Variants in ROBO1 observed in about 807,000 individuals in gnomAD.
ROBO1 encodes the protein roundabout homolog 1.
ROBO1 carries 149 observed loss-of-function variants against 195.9 expected under a neutral mutation model. The ratio of observed to expected loss-of-function variants is 0.76; its 90% CI spans 0.67 to 0.87. The LOEUF (loss-of-function observed/expected upper bound fraction) is 0.87. Ranked by LOEUF, ROBO1 falls within the 40% of genes least tolerant of loss-of-function variation. The probability of loss-of-function intolerance (pLI) is 0.00; values close to 1 mark genes in which losing one functional copy is unlikely to be tolerated. For synonymous variants in ROBO1, 816 were observed against 733.2 expected (o/e 1.11, Z -1.82); for missense variants, 1,933 against 2,068.3 (o/e 0.93, Z 1.27).
At chr3:79,224,530 C>T (rs1197382594) in intron 2 of ROBO1, among the ~76,000 whole-genome samples, 1 of 152,134 alleles carries the variant, frequency 6.6e-6, no homozygotes, top group Non-Finnish European at 1.5e-5. Context: ...TCTTGTAATA[C>T]AAAAGTGACT....
intron 2 of ROBO1, among the ~76,000 whole-genome samples, chr3:79,508,535 A>G (rs1940533498): frequency 6.6e-6 from 1 of 152,218 alleles, no homozygotes; most frequent in African/African-American, 2.4e-5. Flanking sequence ...GCTCAATAGA[A>G]TGCAAGCAAT....
intron 7 of ROBO1, among the ~76,000 whole-genome samples, chr3:78,716,420 T>TA (rs1409293558): frequency 6.6e-6 from 1 of 151,882 alleles, no homozygotes; most frequent in Non-Finnish European, 1.5e-5. Flanking sequence ...CAGACGCTTA[T>TA]AAAACCATCA....
intron 1 of ROBO1, among the ~76,000 whole-genome samples, chr3:79,707,119 C>T (rs1246897297): frequency 1.3e-5 from 2 of 152,136 alleles, no homozygotes; most frequent in Non-Finnish European, 1.5e-5. Flanking sequence ...GGTAATTCAT[C>T]TAGGCATGGT....
At chr3:78,713,789 G>A (rs1277255115) in intron 8 of ROBO1, among the ~76,000 whole-genome samples, 1 of 152,184 alleles carries the variant, frequency 6.6e-6, no homozygotes, top group African/African-American at 2.4e-5. Context: ...CTCATACGAT[G>A]CTAAATAATA....
chr3:78,847,922 A>C (rs2033776002), intron 4 of ROBO1, among the ~76,000 whole-genome samples: 1 of 152,216 alleles, frequency 6.6e-6, no homozygotes, highest in Non-Finnish European at 1.5e-5. Flanking sequence ...GTGTAGCAAC[A>C]GTGCATTTAG....
At chr3:78,895,275 T>C (rs1466723988) in intron 4 of ROBO1, among the ~76,000 whole-genome samples, 1 of 151,524 alleles carries the variant, frequency 6.6e-6, no homozygotes, top group Non-Finnish European at 1.5e-5. Flanking sequence ...AAAGAATAAA[T>C]GCAGAAGCTT....
At chr3:79,133,738 C>G (rs2080338223) in intron 2 of ROBO1, among the ~76,000 whole-genome samples, 1 of 120,526 alleles carries the variant, frequency 8.3e-6, no homozygotes. Context: ...GAACTGCGTT[C>G]CTTTGGAGGA....
At chr3:78,857,701 G>A (rs952748446) in intron 4 of ROBO1, among the ~76,000 whole-genome samples, 9 of 152,120 alleles carry the variant, frequency 5.9e-5, no homozygotes, top group Non-Finnish European at 1.2e-4. Flanking sequence ...TCCAGGTGAC[G>A]CTGGTGCACA....
chr3:79,611,277 A>G (rs950775770), intron 1 of ROBO1, among the ~76,000 whole-genome samples: 2 of 152,102 alleles, frequency 1.3e-5, no homozygotes, highest in Non-Finnish European at 2.9e-5. Flanking sequence ...TACAAATAGC[A>G]TACAAATCTA....
At chr3:79,096,860 A>G (rs914337195) in intron 3 of ROBO1, among the ~76,000 whole-genome samples, 2 of 151,438 alleles carry the variant, frequency 1.3e-5, no homozygotes, top group African/African-American at 2.4e-5. Flanking sequence ...TAAAAAAACC[A>G]CTCAATAAAA....
chr3:78,738,258 C>T (rs2082439601), intron 5 of ROBO1, among the ~76,000 whole-genome samples: 1 of 151,978 alleles, frequency 6.6e-6, no homozygotes, highest in South Asian at 2.1e-4. Flanking sequence ...AAATATCACA[C>T]CAACAATGGA....
At chr3:79,365,549 A>G (rs913635279) in intron 2 of ROBO1, among the ~76,000 whole-genome samples, 24 of 152,168 alleles carry the variant, frequency 1.6e-4, no homozygotes, top group Admixed American at 1.4e-3. Flanking sequence ...CCCTCCATTG[A>G]GTCTATCAAC....
intron 2 of ROBO1, among the ~76,000 whole-genome samples, chr3:79,150,379 T>C (rs2080743297): frequency 6.6e-6 from 1 of 151,808 alleles, no homozygotes; most frequent in Non-Finnish European, 1.5e-5. Context: ...TGTGAAGTAA[T>C]ATTTTTTCTA....
chr3:79,028,002 T>C (rs538306401), intron 3 of ROBO1, among the ~76,000 whole-genome samples: 34 of 152,162 alleles, frequency 2.2e-4, no homozygotes, highest in Middle Eastern at 3.4e-3. Context: ...ACCTACAATG[T>C]TTTAATTACA....
At chr3:79,401,271 T>C (rs2037356153) in intron 2 of ROBO1, among the ~76,000 whole-genome samples, 5 of 151,868 alleles carry the variant, frequency 3.3e-5, no homozygotes, top group Admixed American at 2.6e-4. Flanking sequence ...ATTTATTTAT[T>C]AAGGATCTAA....
intron 3 of ROBO1, among the ~76,000 whole-genome samples, chr3:79,051,982 A>T (rs560896184): frequency 3.7e-4 from 56 of 152,230 alleles, no homozygotes; most frequent in African/African-American, 1.3e-3. Flanking sequence ...ATTGTTTGTA[A>T]AACATATGTG....
At chr3:79,101,324 A>C (rs2108510842) in intron 3 of ROBO1, among the ~76,000 whole-genome samples, 1 of 151,914 alleles carries the variant, frequency 6.6e-6, no homozygotes, top group South Asian at 2.1e-4. Flanking sequence ...GGACAGCGCA[A>C]ACTCTTATTA....
chr3:79,387,654 T>A (rs1411865195), intron 2 of ROBO1, among the ~76,000 whole-genome samples: 1 of 151,568 alleles, frequency 6.6e-6, no homozygotes, highest in East Asian at 1.9e-4. Context: ...ATTTACATAT[T>A]TTGTAAATAA....
intron 1 of ROBO1, among the ~76,000 whole-genome samples, chr3:79,686,589 C>T (rs1947121696): frequency 6.6e-6 from 1 of 151,872 alleles, no homozygotes; most frequent in Admixed American, 6.6e-5. Flanking sequence ...AGACAGAGAG[C>T]CAAATCATGA....
Sources: gnomAD v4.1 joint callset for allele counts (sites outside exome capture counted in the v4.1 genomes callset) on GRCh38, gnomAD v4.1.1 for gene constraint, MANE v1.5 for transcripts, NCBI Gene and HGNC (gene_info 2026-07-23, HGNC 2026-07-21) for gene names.